UGT1A7: variants seen among roughly 807,000 people sequenced by gnomAD.
UGT1A7 encodes UDP-glucuronosyltransferase 1A7.
UGT1A7 carries 33 observed loss-of-function variants against 45.6 expected under a neutral mutation model. The observed-to-expected ratio is 0.72, with a 90% CI of 0.55 to 0.97. UGT1A7 has a LOEUF of 0.97. Among genes scored for constraint, UGT1A7 ranks in the 50% least tolerant of loss-of-function variants. The pLI is 0.00. For synonymous variants in UGT1A7, 274 were observed against 250.6 expected (o/e 1.09, Z -0.88); for missense variants, 684 against 666.2 (o/e 1.03, Z -0.29).
In UGT1A7 at chr2:233,746,430, T is replaced by C. The variant is rs141272199; in HGVS notation, c.856-20604T>C. On this transcript the variant is annotated intron_variant, in intron 1 of 4. Transcript: ENST00000373426. ...TCCAATGGTGACCTATTAACTTATG[T>C]CTTCAGCTTAAAAAGAAAGTACCTT... Among the ~76,000 whole-genome samples, 254 of 151,800 alleles carry C rather than the reference T, an allele frequency of 1.7e-3. 1 individual carries two copies. The highest frequency in any genetic ancestry group is 3.4e-3 in the Middle Eastern group (1 of 292).
At chr2:233,710,121 G>A (rs1020127755) in intron 1 of UGT1A7, among the ~76,000 whole-genome samples, 2 of 152,068 alleles carry the variant, frequency 1.3e-5, no homozygotes, top group Non-Finnish European at 2.9e-5. Flanking sequence ...TTCTATTTCC[G>A]AGTAGCATTT....
At chr2:233,763,924 T>C (rs1294643853) in intron 1 of UGT1A7, among the ~76,000 whole-genome samples, 1 of 152,112 alleles carries the variant, frequency 6.6e-6, no homozygotes, top group African/African-American at 2.4e-5. Context: ...GGCTTCGAGA[T>C]GGCCAGGAGA....
At chr2:233,729,454 T>C (rs758737792) in intron 1 of UGT1A7, 3 of 1,614,042 alleles carry the variant, frequency 1.9e-6, no homozygotes, top group Non-Finnish European at 2.5e-6. Flanking sequence ...TCTGAAGAAA[T>C]TTTTCAGAAG....
intron 1 of UGT1A7, chr2:233,693,769 A>G (rs1451230147): frequency 6.2e-7 from 1 of 1,614,160 alleles, no homozygotes; most frequent in Non-Finnish European, 8.5e-7. Context: ...TTTGGCTGTT[A>G]AGATATGACT....
chr2:233,756,182 C>T (rs1035761363), intron 1 of UGT1A7: 1 of 152,192 alleles, frequency 6.6e-6, no homozygotes, highest in African/African-American at 2.4e-5. Flanking sequence ...TTGAGAATCG[C>T]TAGTCTAGCA....
At chr2:233,717,941 A>G in intron 1 of UGT1A7, 1 of 453,744 alleles carries the variant, frequency 2.2e-6, no homozygotes, top group Middle Eastern at 6.9e-4. Context: ...GTCTCTATGC[A>G]GACTTGCAGA....
intron 1 of UGT1A7, chr2:233,743,866 C>G (rs1227330853): frequency 7.3e-7 from 1 of 1,367,058 alleles, no homozygotes; most frequent in Non-Finnish European, 9.8e-7. Context: ...TCTTGATGGC[C>G]TCGGATGAGG....
In UGT1A7 at chr2:233,772,670, A is replaced by T; in HGVS notation, c.*111A>T. 1 of 1,536,688 alleles carries T rather than the reference A, an allele frequency of 6.5e-7. No homozygotes were observed. Among genetic ancestry groups the T allele is most frequent in the Admixed American group, 2.0e-5 (1 of 50,138 alleles). ...TATTCTTATTAAGGAAATACTTTGC[A>T]TAAATTAATCAGCCCCAGAGTGCTT... On this transcript the variant is annotated 3_prime_UTR_variant, in exon 5 of 5. Transcript: ENST00000373426.
At chr2:233,713,299 C>T in intron 1 of UGT1A7, 2 of 1,614,232 alleles carry the variant, frequency 1.2e-6, no homozygotes, top group Non-Finnish European at 1.7e-6. Context: ...TTCTTTGAAA[C>T]AGAACATCTT....
chr2:233,764,498 G>T (rs1372261378), intron 1 of UGT1A7, among the ~76,000 whole-genome samples: 1 of 152,176 alleles, frequency 6.6e-6, no homozygotes, highest in East Asian at 1.9e-4. Context: ...TGGACCTGTG[G>T]GTTCAATTTT....
intron 1 of UGT1A7, among the ~76,000 whole-genome samples, chr2:233,716,580 T>G (rs997790116): frequency 6.6e-6 from 1 of 152,228 alleles, no homozygotes; most frequent in Non-Finnish European, 1.5e-5. Flanking sequence ...AACAATACTT[T>G]CAAAGAGCAA....
chr2:233,733,184 C>T (rs531728542), intron 1 of UGT1A7, among the ~76,000 whole-genome samples: 42 of 152,276 alleles, frequency 2.8e-4, no homozygotes, highest in South Asian at 8.3e-4. Context: ...GCTGAAGTTG[C>T]TTATCAGCTT....
At chr2:233,702,799 T>C (rs1284571613) in intron 1 of UGT1A7, among the ~76,000 whole-genome samples, 1 of 152,224 alleles carries the variant, frequency 6.6e-6, no homozygotes, top group Non-Finnish European at 1.5e-5. Flanking sequence ...CTTGTATTCC[T>C]AGAATAATCC....
chr2:233,749,225 A>AT, intron 1 of UGT1A7, among the ~76,000 whole-genome samples: 1 of 151,926 alleles, frequency 6.6e-6, no homozygotes, highest in Non-Finnish European at 1.5e-5. Flanking sequence ...TCTAAGCTTC[A>AT]TTTTTTAAAA....
intron 1 of UGT1A7, among the ~76,000 whole-genome samples, chr2:233,707,710 A>G (rs556355059): frequency 6.6e-6 from 1 of 152,256 alleles, no homozygotes; most frequent in East Asian, 1.9e-4. Context: ...GCTTTTCACT[A>G]CTGTGAACAA....
chr2:233,734,099 A>G (rs1454975810), intron 1 of UGT1A7, among the ~76,000 whole-genome samples: 11 of 151,694 alleles, frequency 7.3e-5, no homozygotes, highest in African/African-American at 2.7e-4. Flanking sequence ...TAAAACTTAA[A>G]GTATAATAAT....
At position 233,773,024 on chromosome 2, in the gene UGT1A7, G is replaced by A. The variant is rs1575873040; in HGVS notation, c.*465G>A. 2 of 199,282 alleles carry A rather than the reference G, an allele frequency of 1.0e-5. No homozygotes were observed. The highest frequency in any genetic ancestry group is 5.3e-5 in the Admixed American group (1 of 18,910). The allele number at this position is 199,282 out of a possible 1,614,324, so 12.3% of individuals were successfully genotyped here. On this transcript the variant is annotated 3_prime_UTR_variant, in exon 5 of 5. Coordinates refer to ENST00000373426, the MANE Select transcript of UGT1A7 (RefSeq NM_019077.3). ...GTGCTTCATAGGTGCCACCTTGTGT[G>A]TTTAAAGAAGGGAAGCTTTGTACCT... is the stretch of plus-strand genomic sequence containing the variant.
chr2:233,696,741 G>A (rs2075357541), intron 1 of UGT1A7, among the ~76,000 whole-genome samples: 1 of 152,080 alleles, frequency 6.6e-6, no homozygotes, highest in African/African-American at 2.4e-5. Context: ...ACCCTTTTCA[G>A]TATGATGTTA....
chr2:233,704,862 G>A (rs991681240), intron 1 of UGT1A7, among the ~76,000 whole-genome samples: 2 of 152,054 alleles, frequency 1.3e-5, no homozygotes, highest in Non-Finnish European at 2.9e-5. Flanking sequence ...GGCCGGGCAC[G>A]GTGGCTCACT....
Sources: allele counts gnomAD v4.1 joint callset (sites outside exome capture counted in the v4.1 genomes callset), GRCh38; gene constraint gnomAD v4.1.1; transcripts MANE v1.5; gene names NCBI Gene and HGNC (gene_info 2026-07-23, HGNC 2026-07-21).